DOCK2: variants seen among roughly 807,000 people sequenced by gnomAD.
DOCK2 encodes the protein dedicator of cytokinesis protein 2.
DOCK2 carries 87 observed loss-of-function variants against 248.9 expected under a neutral mutation model. The ratio of observed to expected loss-of-function variants is 0.35; its 90% CI spans 0.29 to 0.42. The LOEUF is 0.42. Ranked by LOEUF, DOCK2 falls within the 10% of genes least tolerant of loss-of-function variation. DOCK2 has a pLI of 1.00. For missense variants in DOCK2, 1,747 were observed against 2,300.2 expected, an observed-to-expected ratio of 0.76 and a Z score of 4.92; for synonymous variants, 805 against 821.6, an observed-to-expected ratio of 0.98 and a Z score of 0.35.
intron 30 of DOCK2, among the ~76,000 whole-genome samples, chr5:169,999,005 T>C (rs1754743144): frequency 1.3e-5 from 2 of 152,180 alleles, no homozygotes; most frequent in South Asian, 4.1e-4. Context: ...GTTTGGTCCA[T>C]ATAACTGCGA....
chr5:169,711,665 G>C (rs1761591599), intron 15 of DOCK2, among the ~76,000 whole-genome samples: 1 of 152,194 alleles, frequency 6.6e-6, no homozygotes, highest in South Asian at 2.1e-4. Context: ...AATTTGGGGA[G>C]ACTCATTTTT....
chr5:169,814,254 T>C (rs1330973665), intron 26 of DOCK2, among the ~76,000 whole-genome samples: 1 of 152,164 alleles, frequency 6.6e-6, no homozygotes, highest in Non-Finnish European at 1.5e-5. Context: ...CCTGACACGA[T>C]GCACTGAGAA....
intron 44 of DOCK2, 152 bp from the exon 45 acceptor site, chr5:170,067,358 C>CA: frequency 1.4e-6 from 1 of 697,622 alleles, no homozygotes; most frequent in Non-Finnish European, 2.3e-6. Context: ...AGACAGCCCC[C>CA]AGAGCTCAGT....
At chr5:169,899,837 T>G (rs527265341) in intron 27 of DOCK2, among the ~76,000 whole-genome samples, 126 of 152,332 alleles carry the variant, frequency 8.3e-4, no homozygotes, top group South Asian at 2.1e-3. Flanking sequence ...CTTTCTTTAC[T>G]CTCAGATTTT....
intron 1 of DOCK2, among the ~76,000 whole-genome samples, chr5:169,646,795 T>A (rs1236061956): frequency 1.3e-5 from 2 of 152,254 alleles, no homozygotes; most frequent in Non-Finnish European, 2.9e-5. Context: ...ACTCTGTAAC[T>A]ATTTAGTAAA....
chr5:170,003,272 G>A (rs944216113), intron 30 of DOCK2, among the ~76,000 whole-genome samples: 3 of 152,196 alleles, frequency 2.0e-5, no homozygotes, highest in African/African-American at 7.2e-5. Flanking sequence ...TACAAGTGAG[G>A]AGAATGAGGC....
chr5:169,891,848 C>A (rs1048733374), intron 27 of DOCK2, among the ~76,000 whole-genome samples: 17 of 151,764 alleles, frequency 1.1e-4, no homozygotes, highest in East Asian at 1.9e-4. Flanking sequence ...CAAAAAAATT[C>A]TCTGAGTGTG....
chr5:169,922,317 C>A (rs1775219166), intron 27 of DOCK2, among the ~76,000 whole-genome samples: 1 of 152,100 alleles, frequency 6.6e-6, no homozygotes, highest in African/African-American at 2.4e-5. Context: ...TTATGCAGAA[C>A]CCCTGATAAT....
chr5:170,047,738 C>A, intron 40 of DOCK2, 124 bp downstream of exon 40: 2 of 782,536 alleles, frequency 2.6e-6, no homozygotes. Flanking sequence ...CTGAGTGCTG[C>A]CCCCATCCCC....
intron 30 of DOCK2, among the ~76,000 whole-genome samples, chr5:170,005,717 A>G (rs895358625): frequency 2.6e-5 from 4 of 152,130 alleles, no homozygotes; most frequent in Non-Finnish European, 5.9e-5. Context: ...AGTGAATTTT[A>G]TGGTATATAA....
intron 22 of DOCK2, among the ~76,000 whole-genome samples, chr5:169,735,997 A>G (rs1359469441): frequency 2.0e-5 from 3 of 151,868 alleles, no homozygotes; most frequent in Admixed American, 6.6e-5. Flanking sequence ...AGAGAGAACC[A>G]AGTGGGAAGT....
chr5:170,003,030 G>A (rs1407185198), intron 30 of DOCK2, among the ~76,000 whole-genome samples: 3 of 152,214 alleles, frequency 2.0e-5, no homozygotes, highest in African/African-American at 4.8e-5. Context: ...TCATTGTGCT[G>A]AGCATGGAAT....
chr5:169,775,591 T>C (rs1765342785), intron 25 of DOCK2, among the ~76,000 whole-genome samples: 1 of 151,936 alleles, frequency 6.6e-6, no homozygotes, highest in Non-Finnish European at 1.5e-5. Context: ...AGGTTTTCAT[T>C]AATTTATTAT....
At chr5:170,041,559 C>T (rs532036082) in intron 37 of DOCK2, among the ~76,000 whole-genome samples, 2 of 152,264 alleles carry the variant, frequency 1.3e-5, no homozygotes, top group Admixed American at 6.5e-5. Context: ...AAACAACACA[C>T]AGAGAGCCAA....
intron 25 of DOCK2, among the ~76,000 whole-genome samples, chr5:169,771,854 T>C (rs966569688): frequency 6.6e-6 from 1 of 152,216 alleles, no homozygotes; most frequent in Admixed American, 6.5e-5. Flanking sequence ...TTACTAAGAA[T>C]TCTATAATTT....
At chr5:169,699,254 C>A in intron 11 of DOCK2, 128 bp from the exon 12 acceptor site, 2 of 767,794 alleles carry the variant, frequency 2.6e-6, no homozygotes, top group Non-Finnish European at 2.1e-6. Context: ...CATGTATATA[C>A]CCTGGGCTGA....
chr5:169,727,579 A>G (rs1762548739), intron 22 of DOCK2, among the ~76,000 whole-genome samples: 1 of 152,094 alleles, frequency 6.6e-6, no homozygotes, highest in African/African-American at 2.4e-5. Flanking sequence ...GGGGATTTTG[A>G]TGTAGATCCT....
chr5:169,846,802 G>A (rs116818038), intron 27 of DOCK2, among the ~76,000 whole-genome samples: 4,193 of 152,194 alleles, frequency 0.028, 70 homozygotes, highest in Non-Finnish European at 0.038. Context: ...CATCACATGA[G>A]TAGTGTGCAT....
chr5:169,849,267 G>C (rs1770489805), intron 27 of DOCK2, among the ~76,000 whole-genome samples: 1 of 152,226 alleles, frequency 6.6e-6, no homozygotes. Flanking sequence ...TGCATCAGGT[G>C]CTCATATTTT....
Sources: gnomAD v4.1 joint callset for allele counts (sites outside exome capture counted in the v4.1 genomes callset) on GRCh38, gnomAD v4.1.1 for gene constraint, MANE v1.5 for transcripts, NCBI Gene and HGNC (gene_info 2026-07-23, HGNC 2026-07-21) for gene names.